SMARCA2: variants seen among roughly 807,000 people sequenced by gnomAD.
SMARCA2 encodes SWI/SNF related BAF chromatin remodeling complex subunit ATPase 2, also known as SWI/SNF-related matrix-associated actin-dependent regulator of chromatin subfamily A member 2.
In SMARCA2, 61 loss-of-function variants were observed where a neutral mutation model predicts 199.8. That is an observed-to-expected ratio of 0.31 (90% confidence interval 0.25 to 0.38). The LOEUF is 0.38. Ranked by LOEUF, SMARCA2 falls within the 10% of genes least tolerant of loss-of-function variation. SMARCA2 has a pLI of 1.00. For missense variants in SMARCA2, 1,344 were observed against 2,012.2 expected (o/e 0.67, Z 6.35); for synonymous variants, 935 against 732.0 (o/e 1.28, Z -4.48).
intron 31 of SMARCA2, among the ~76,000 whole-genome samples, chr9:2,184,990 A>AAAGAGCAGGGGTTGTTTT (rs1245252951): frequency 6.6e-6 from 1 of 152,214 alleles, no homozygotes; most frequent in Non-Finnish European, 1.5e-5. Flanking sequence ...ATATGTTCCT[A>AAAGAGCAGGGGTTGTTTT]AAGAGCAGGG....
At chr9:2,106,508 G>T (rs1472815873) in intron 23 of SMARCA2, among the ~76,000 whole-genome samples, 1 of 152,168 alleles carries the variant, frequency 6.6e-6, no homozygotes, top group East Asian at 1.9e-4. Flanking sequence ...AACAGCAGCC[G>T]TTCCTTTTAA....
At chr9:2,173,052 G>T (rs909881185) in intron 29 of SMARCA2, among the ~76,000 whole-genome samples, 1 of 152,180 alleles carries the variant, frequency 6.6e-6, no homozygotes, top group African/African-American at 2.4e-5. Flanking sequence ...CTTAGGGGCA[G>T]TCTGGATGTG....
intron 24 of SMARCA2, among the ~76,000 whole-genome samples, chr9:2,112,705 G>A (rs1823056303): frequency 6.6e-6 from 1 of 152,148 alleles, no homozygotes; most frequent in Non-Finnish European, 1.5e-5. Context: ...ACTTCCACCT[G>A]ATTGAATAAA....
At chr9:2,101,663 T>C (rs189255373) in intron 22 of SMARCA2, 47 bp downstream of exon 22, 31 of 927,370 alleles carry the variant, frequency 3.3e-5, no homozygotes, top group Non-Finnish European at 5.4e-5. Context: ...GTTGTTGGCC[T>C]TACATAAACT....
At chr9:2,158,186 G>A (rs747171175) in intron 27 of SMARCA2, 26 of 216,716 alleles carry the variant, frequency 1.2e-4, no homozygotes, top group Admixed American at 3.8e-4. Flanking sequence ...AAAAAAAAAG[G>A]TTGCCATCCA....
chr9:2,156,143 G>T (rs1825347994), intron 27 of SMARCA2, among the ~76,000 whole-genome samples: 1 of 152,124 alleles, frequency 6.6e-6, no homozygotes, highest in African/African-American at 2.4e-5. Context: ...ACCTTTGAAA[G>T]AATAAATGGG....
Position 2,119,173 on chromosome 9 carries a change from A to T in SMARCA2, c.3685-285A>T, listed in dbSNP as rs1397016625. On this transcript the variant is annotated intron_variant, in intron 25 of 33. Transcript: ENST00000349721. The surrounding 1 kb of genome is among the most constrained non-coding windows in gnomAD (Gnocchi z 4.6). ...CCAATGAGGTCACTGAAGCGAGGAG[A>T]CATTAAGTAACTTGTTGTAAAAGTA... Among the ~76,000 whole-genome samples, 1 of 152,238 alleles carries T rather than the reference A, an allele frequency of 6.6e-6. No homozygotes were observed. The highest frequency in any genetic ancestry group is 2.4e-5 in the African/African-American group (1 of 41,464).
chr9:2,079,655 TCTGGC>T (rs1269929247), intron 14 of SMARCA2, among the ~76,000 whole-genome samples: 1 of 152,252 alleles, frequency 6.6e-6, no homozygotes, highest in East Asian at 1.9e-4. Flanking sequence ...GGACCACTGC[TCTGGC>T]CTTAGTAAGA....
chr9:2,047,506 G>A (rs1347355540), intron 5 of SMARCA2, 22 bp downstream of exon 5: 6 of 1,385,594 alleles, frequency 4.3e-6, no homozygotes, highest in South Asian at 1.7e-5. Flanking sequence ...CGCCAGCAAG[G>A]GGCCCCCTGC....
At chr9:2,054,900 A>G (rs553533731) in intron 6 of SMARCA2, among the ~76,000 whole-genome samples, 177 bp downstream of exon 6, 2 of 152,392 alleles carry the variant, frequency 1.3e-5, no homozygotes, top group East Asian at 3.9e-4. Context: ...ATGAAGATGA[A>G]CTGCTTATTA....
At chr9:2,179,598 G>C (rs1316841132) in intron 29 of SMARCA2, among the ~76,000 whole-genome samples, 4 of 152,146 alleles carry the variant, frequency 2.6e-5, no homozygotes, top group African/African-American at 9.7e-5. Context: ...TACCTAGATT[G>C]TTTTAGCCTT....
chr9:2,131,937 CAA>C (rs140860181), intron 27 of SMARCA2, among the ~76,000 whole-genome samples: 42 of 91,302 alleles, frequency 4.6e-4, no homozygotes, highest in African/African-American at 6.0e-4. Flanking sequence ...AACTCCATCT[CAA>C]AAAAAAAAAA....
At chr9:2,062,570 T>C (rs1820646018) in intron 9 of SMARCA2, among the ~76,000 whole-genome samples, 1 of 152,226 alleles carries the variant, frequency 6.6e-6, no homozygotes, top group East Asian at 1.9e-4. Flanking sequence ...CAGGGACTTG[T>C]CACAATTGTT....
At chr9:2,139,467 G>A (rs1340093207) in intron 27 of SMARCA2, among the ~76,000 whole-genome samples, 1 of 152,206 alleles carries the variant, frequency 6.6e-6, no homozygotes, top group Non-Finnish European at 1.5e-5. Context: ...GTGATATTGT[G>A]AAGTCCAGCA....
chr9:2,111,634 T>C (rs1378697697), intron 24 of SMARCA2, among the ~76,000 whole-genome samples: 2 of 152,152 alleles, frequency 1.3e-5, no homozygotes, highest in African/African-American at 4.8e-5. Flanking sequence ...TTGCGAAGAC[T>C]GAGTGGCAGT....
chr9:2,115,572 A>G lies in SMARCA2; in HGVS notation c.3457-250A>G, dbSNP rs533316038. ...GAACCTAGAGACAGATAAAAACAATATGATACCTGGATTTCAAAACCTGAG... is the reference window on the plus strand; with the variant it reads ...GAACCTAGAGACAGATAAAAACAATGTGATACCTGGATTTCAAAACCTGAG... On this transcript the variant is annotated intron_variant, in intron 24 of 33. Transcript: ENST00000349721. The surrounding 1 kb of genome is among the most constrained non-coding windows in gnomAD (Gnocchi z 6.0). 1.3e-5 allele frequency among the ~76,000 whole-genome samples: 2 copies of G among 152,326 alleles called. No homozygotes were observed. The highest frequency in any genetic ancestry group is 2.1e-4 in the South Asian group (1 of 4,828).
intron 31 of SMARCA2, among the ~76,000 whole-genome samples, chr9:2,183,445 A>G (rs1040465338): frequency 6.6e-6 from 1 of 152,196 alleles, no homozygotes; most frequent in South Asian, 2.1e-4. Flanking sequence ...TTACACCTCA[A>G]TTACTGTCAC....
At position 2,186,220 on chromosome 9, in the gene SMARCA2, A is replaced by C; in HGVS notation, c.4586A>C (p.Glu1529Ala). 6.2e-7 allele frequency: 1 copy of C among 1,613,888 alleles called. No homozygotes were observed. Among genetic ancestry groups the C allele is most frequent in the Non-Finnish European group, 8.5e-7 (1 of 1,179,852 alleles). ...EEEEEDEEES[E>A]SEAKSVKVKI... ...GAAGAGGAAGATGAAGAAGAGTCAGAGTCCGAGGGTAAGCCCAGACATTCG... is the reference window on the plus strand; with the variant it reads ...GAAGAGGAAGATGAAGAAGAGTCAGCGTCCGAGGGTAAGCCCAGACATTCG... Residue 1529 changes from glutamate (E) to alanine (A), a missense_variant, in exon 32 of 34, where the codon GAG (glutamate) becomes GCG (alanine). Glu to Ala is a moderately radical substitution (Grantham distance 107, BLOSUM62 -1). This residue lies in a region of SMARCA2 where 155 missense variants were observed against 121.1 expected (regional missense o/e 1.28). Transcript: ENST00000349721.
At chr9:2,171,453 G>A in intron 29 of SMARCA2, among the ~76,000 whole-genome samples, 1 of 152,154 alleles carries the variant, frequency 6.6e-6, no homozygotes, top group Non-Finnish European at 1.5e-5. Flanking sequence ...AAAACTAGTG[G>A]TGATTTATAC....
Sources: allele counts gnomAD v4.1 joint callset (sites outside exome capture counted in the v4.1 genomes callset), GRCh38; gene constraint gnomAD v4.1.1; regional missense constraint gnomAD v4.1.1; non-coding constraint Gnocchi (gnomAD v3.1); transcripts MANE v1.5; gene names NCBI Gene and HGNC (gene_info 2026-07-23, HGNC 2026-07-21).